ITPR3: variants seen among roughly 807,000 people sequenced by gnomAD.
ITPR3 encodes inositol 1,4,5-trisphosphate receptor type 3, also known as inositol 1,4,5-trisphosphate-gated calcium channel ITPR3.
ITPR3 carries 173 observed loss-of-function variants against 293.2 expected under a neutral mutation model. The observed-to-expected ratio is 0.59, with a 90% CI of 0.52 to 0.67. ITPR3 has a LOEUF of 0.67. ITPR3 is among the 30% of genes least tolerant of loss of function. The pLI is 0.00. For missense variants in ITPR3, 2,796 were observed against 3,592.1 expected (o/e 0.78, Z 5.66); for synonymous variants, 1,295 against 1,444.4 (o/e 0.90, Z 2.35).
In ITPR3 at chr6:33,675,577, T is replaced by C; in HGVS notation, c.3117-114T>C. 1 of 1,158,968 alleles carries C rather than the reference T, an allele frequency of 8.6e-7. No individual in the cohort carries two copies. The highest frequency in any genetic ancestry group is 1.2e-6 in the Non-Finnish European group (1 of 829,774). The allele number at this position is 1,158,968 out of a possible 1,614,324, so 71.8% of individuals were successfully genotyped here. ...ATTTTAAACACATTTAGACTGGCCC[T>C]GCATCTGCTAATTGGGTGGCGGAGA... is the stretch of plus-strand genomic sequence containing the variant. On this transcript the variant is annotated intron_variant, in intron 24 of 57. Coordinates refer to ENST00000605930, the MANE Select transcript of ITPR3 (RefSeq NM_002224.4). The surrounding 1 kb of genome is among the most constrained non-coding windows in gnomAD (Gnocchi z 5.0).
rs767244059 is a variant in ITPR3 at position 33,678,612 on chromosome 6, CTT to C, written c.3772-25_3772-24del. On this transcript the variant is annotated intron_variant, in intron 29 of 57. Transcript: ENST00000605930. ...GGGGGTGGGGGCGGGGCCCAGATCT[CTT>C]TCTGACAGATGCCCCCCACTGCAGC... 4.4e-6 allele frequency: 7 copies of C among 1,601,776 alleles called. No homozygotes were observed. The East Asian group carries it at 6.8e-5, about 15-fold the overall frequency.
Position 33,684,690 on chromosome 6 carries a change from T to G in ITPR3, c.5137+2T>G. ...ACCTTCCCGACCCCATAGGCACTGG[T>G]CAGTATCACCTTCCCCTGCCCCCGG... On this transcript the variant is annotated splice_donor_variant, in intron 38 of 57. Transcript: ENST00000605930. LOFTEE classifies it high-confidence loss of function. This position sits in a 1 kb window ranked among gnomAD's most constrained non-coding sequence, Gnocchi z 4.2. 1 of 1,613,766 alleles carries G rather than the reference T, an allele frequency of 6.2e-7. No individual in the cohort carries two copies. Among genetic ancestry groups the G allele is most frequent in the Non-Finnish European group, 8.5e-7 (1 of 1,179,902 alleles).
chr6:33,695,165 C>CGGGCGGG, intron 57 of ITPR3, 80 bp downstream of exon 57: 1 of 1,482,658 alleles, frequency 6.7e-7, no homozygotes. Flanking sequence ...CTTCCTGACC[C>CGGGCGGG]ACCCTCTTCC....
rs1356256748 is a variant in ITPR3, at chr6:33,632,391, C to T, written c.90-8093C>T. On this transcript the variant is annotated intron_variant, in intron 1 of 57. Coordinates refer to ENST00000605930, the MANE Select transcript of ITPR3 (RefSeq NM_002224.4). The surrounding 1 kb of genome is among the most constrained non-coding windows in gnomAD (Gnocchi z 4.1). Reference sequence around the variant, plus strand: ...TCACCTGCCCCACTTCTATCTAGCTCCCTTCCTCCTCCTTATCTAATCTTT... The same window carrying T: ...TCACCTGCCCCACTTCTATCTAGCTTCCTTCCTCCTCCTTATCTAATCTTT... Among the ~76,000 whole-genome samples the T allele has an allele frequency of 6.6e-6, 1 of 152,164 alleles. No individual in the cohort carries two copies. The highest frequency in any genetic ancestry group is 1.9e-4 in the East Asian group (1 of 5,200).
intron 1 of ITPR3, among the ~76,000 whole-genome samples, chr6:33,636,123 C>CAAAAAAAAAAAAA (rs59543122): frequency 1.2e-5 from 1 of 83,322 alleles, no homozygotes; most frequent in Non-Finnish European, 2.1e-5. Flanking sequence ...GCTGTCTCTA[C>CAAAAAAAAAAAAA]AAAAAAAAAA....
Position 33,663,001 on chromosome 6 carries a change from GC to G in ITPR3, c.950del (p.Ala317ValfsTer192), listed in dbSNP as rs1394030820. 1 of 1,595,182 alleles carries G rather than the reference GC, an allele frequency of 6.3e-7. No individual in the cohort carries two copies. On this transcript the variant is annotated frameshift_variant, in exon 9 of 58. Transcript: ENST00000605930. LOFTEE classifies it high-confidence loss of function. ...CCTGGCTACAGGCAACTACCTGGCT[GC>G]TGAGGTGAGCGGGAGGTAGAGGGCA... ...KHLATGNYLA[A>X]EENPSYKGDA...
chr6:33,684,453 G>A lies in ITPR3; in HGVS notation c.5034G>A (p.Lys1678=), dbSNP rs755082712. The A allele has an allele frequency of 7.4e-6, 12 of 1,614,080 alleles. No individual in the cohort carries two copies. Among genetic ancestry groups the A allele is most frequent in the Non-Finnish European group, 9.3e-6 (11 of 1,179,956 alleles). Residue 1678 remains lysine, a synonymous_variant, in exon 37 of 58, where the codon AAG becomes AAA. Coordinates refer to ENST00000605930, the MANE Select transcript of ITPR3 (RefSeq NM_002224.4). The surrounding 1 kb of genome is among the most constrained non-coding windows in gnomAD (Gnocchi z 4.2). ...AGCAGATGCTGCTCAAGAAGACCAA[G>A]TACGGGGACCGGGTGAGTGCCCTGG... is the stretch of plus-strand genomic sequence containing the variant. The part of the protein sequence containing the change: ...TLQQMLLKKT[K]YGDRGNQLRK...
chr6:33,668,717 C>T lies in ITPR3; in HGVS notation c.2006+83C>T, dbSNP rs1764679267. 2.5e-6 allele frequency: 4 copies of T among 1,587,538 alleles called. No homozygotes were observed. The Admixed American group carries it at 5.1e-5, about 20-fold the overall frequency. ...TTAGAGCTTAGGCCCTGTCTGGGTTCAGGCTGGAACTGGCACCCTTGCTCT... is the reference window on the plus strand; with the variant it reads ...TTAGAGCTTAGGCCCTGTCTGGGTTTAGGCTGGAACTGGCACCCTTGCTCT... On this transcript the variant is annotated intron_variant, in intron 17 of 57. Coordinates refer to ENST00000605930, the MANE Select transcript of ITPR3 (RefSeq NM_002224.4).
rs760790758 is a variant in ITPR3 at position 33,677,647 on chromosome 6, CCT to C, written c.3648+21_3648+22del. 2 of 1,611,632 alleles carry C rather than the reference CCT, an allele frequency of 1.2e-6. No individual in the cohort carries two copies. Among genetic ancestry groups the C allele is most frequent in the Admixed American group, 1.7e-5 (1 of 59,874 alleles). ...ATGACAAGGTGGCTCTGACTTCTGA[CCT>C]CTGACTCCCCAGGGTGGCTTCCCCC... On this transcript the variant is annotated intron_variant, in intron 28 of 57. Coordinates refer to ENST00000605930, the MANE Select transcript of ITPR3 (RefSeq NM_002224.4).
rs1765253902 is a variant in ITPR3, at chr6:33,687,182, A to G, written c.6076-44A>G. 1 of 1,593,050 alleles carries G rather than the reference A, an allele frequency of 6.3e-7. No individual in the cohort carries two copies. The highest frequency in any genetic ancestry group is 1.1e-5 in the South Asian group (1 of 90,528). ...TGGGGATGAGGGCCCGGCTGGCCCT[A>G]CCGCCCTAGGAAGAGAGCATTGGAA... is the stretch of plus-strand genomic sequence containing the variant. On this transcript the variant is annotated intron_variant, in intron 44 of 57. Coordinates refer to ENST00000605930, the MANE Select transcript of ITPR3 (RefSeq NM_002224.4). This position sits in a 1 kb window ranked among gnomAD's most constrained non-coding sequence, Gnocchi z 5.3.
chr6:33,664,133 G>A lies in ITPR3; in HGVS notation c.1148+253G>A, dbSNP rs1043582066. 6.6e-6 allele frequency among the ~76,000 whole-genome samples: 1 copy of A among 152,216 alleles called. No homozygotes were observed. The highest frequency in any genetic ancestry group is 2.4e-5 in the African/African-American group (1 of 41,452). ...TCAAGCACAGGCTGCATGGCAGTTT[G>A]TCTAGGACACCAGCAGCACAGGGAA... On this transcript the variant is annotated intron_variant, in intron 11 of 57. Coordinates refer to ENST00000605930, the MANE Select transcript of ITPR3 (RefSeq NM_002224.4). The surrounding 1 kb of genome is among the most constrained non-coding windows in gnomAD (Gnocchi z 4.4).
chr6:33,683,270 G>C lies in ITPR3; in HGVS notation c.4661G>C (p.Ser1554Thr), dbSNP rs1480879796. 6.4e-7 allele frequency: 1 copy of C among 1,572,658 alleles called. No homozygotes were observed. The highest frequency in any genetic ancestry group is 8.6e-7 in the Non-Finnish European group (1 of 1,159,196). ...GCCCACATCAGCTCGATGCTCAGCA[G>C]TGGAGCCAGCTGTGCAGCTGCCGCC... ...LDAHISSMLSSGASCAAAAQR... is the reference protein window; with the variant it reads ...LDAHISSMLSTGASCAAAAQR... The change falls in exon 35 of 58, where the codon AGT becomes ACT. Residue 1554 changes from serine (S) to threonine (T), a missense_variant. By Grantham distance (58) the Ser-to-Thr change is moderately conservative (BLOSUM62 1). Around this residue, in one of 8 missense-constraint regions of ITPR3, gnomAD observed 704 missense variants for 797.5 expected, o/e 0.88. Transcript: ENST00000605930. This position sits in a 1 kb window ranked among gnomAD's most constrained non-coding sequence, Gnocchi z 4.5.
chr6:33,652,612 C>A (rs1288887563), intron 2 of ITPR3, among the ~76,000 whole-genome samples: 1 of 151,904 alleles, frequency 6.6e-6, no homozygotes, highest in South Asian at 2.1e-4. Context: ...ATTACAGGTG[C>A]GTGCCACCAT....
intron 1 of ITPR3, among the ~76,000 whole-genome samples, chr6:33,627,221 A>G (rs1380704958): frequency 8.5e-6 from 1 of 117,710 alleles, no homozygotes; most frequent in Non-Finnish European, 1.7e-5. Flanking sequence ...TTGAAAATAT[A>G]TATATTTTTT....
chr6:33,661,039 C>T (rs1009163517), intron 7 of ITPR3, among the ~76,000 whole-genome samples: 3 of 152,322 alleles, frequency 2.0e-5, no homozygotes, highest in East Asian at 1.9e-4. Flanking sequence ...GTCATGGCTC[C>T]GTGGTTCCAA....
Position 33,686,436 on chromosome 6 carries a change from G to A in ITPR3, c.5896G>A (p.Gly1966Ser). 1 of 1,614,198 alleles carries A rather than the reference G, an allele frequency of 6.2e-7. No homozygotes were observed. The highest frequency in any genetic ancestry group is 8.5e-7 in the Non-Finnish European group (1 of 1,180,008). ...TTGCATTGTGACTCACGAGTCCAAT[G>A]GCATAGACATCATCACCGCACTGAT... ...QTCIVTHESN[G>S]IDIITALILN... Residue 1966 changes from glycine (G) to serine (S), a missense_variant, in exon 43 of 58, where the codon GGC becomes AGC. Physicochemically the swap from Gly to Ser is moderately conservative, Grantham distance 56. Around this residue, in one of 8 missense-constraint regions of ITPR3, gnomAD observed 704 missense variants for 797.5 expected, o/e 0.88. Coordinates refer to ENST00000605930, the MANE Select transcript of ITPR3 (RefSeq NM_002224.4).
Position 33,655,650 on chromosome 6 carries a change from G to T in ITPR3, c.161-116G>T. ...AACCGCTTCCTCTCTACCTGCAGCG[G>T]GGAACGGGGGTGGGGAAGGGTTGGG... On this transcript the variant is annotated intron_variant, in intron 2 of 57. Transcript: ENST00000605930. The surrounding 1 kb of genome is among the most constrained non-coding windows in gnomAD (Gnocchi z 4.9). The T allele has an allele frequency of 7.4e-7, 1 of 1,360,088 alleles. No individual in the cohort carries two copies. The allele number at this position is 1,360,088 out of a possible 1,614,324, so 84.3% of individuals were successfully genotyped here.
Position 33,659,043 on chromosome 6 carries a change from T to C in ITPR3, c.551T>C (p.Ile184Thr). The change falls in exon 6 of 58, where the codon ATC becomes ACC. Residue 184 changes from isoleucine (I) to threonine (T), a missense_variant. By Grantham distance (89) the Ile-to-Thr change is moderately conservative. This residue lies in a region of ITPR3 where 144 missense variants were observed against 230.8 expected (regional missense o/e 0.62). Coordinates refer to ENST00000605930, the MANE Select transcript of ITPR3 (RefSeq NM_002224.4). ...CAGGTGGTCGTGGGGGACAAGGTGATCCTGAATCCTGTCAATGCCGGGCAG... is the reference window on the plus strand; with the variant it reads ...CAGGTGGTCGTGGGGGACAAGGTGACCCTGAATCCTGTCAATGCCGGGCAG... ...GDNVVVGDKV[I>T]LNPVNAGQPL... 6.2e-7 allele frequency: 1 copy of C among 1,613,972 alleles called. No homozygotes were observed. The highest frequency in any genetic ancestry group is 8.5e-7 in the Non-Finnish European group (1 of 1,179,970).
intron 3 of ITPR3, 117 bp from the exon 4 acceptor site, chr6:33,657,815 C>CTG (rs3831080): frequency 7.0e-4 from 493 of 707,040 alleles, no homozygotes; most frequent in Admixed American, 9.7e-4. Flanking sequence ...TCCAGGGTGA[C>CTG]TGTGTGTGTG....
Sources: allele counts gnomAD v4.1 joint callset (sites outside exome capture counted in the v4.1 genomes callset), GRCh38; gene constraint gnomAD v4.1.1; regional missense constraint gnomAD v4.1.1; non-coding constraint Gnocchi (gnomAD v3.1); transcripts MANE v1.5; gene names NCBI Gene and HGNC (gene_info 2026-07-23, HGNC 2026-07-21).